Variants in MYOM1 observed in about 807,000 individuals in gnomAD.
MYOM1 encodes the protein myomesin-1.
A neutral mutation model predicts 205.3 loss-of-function variants in MYOM1; 164 were observed. The observed-to-expected ratio is 0.80, with a 90% CI of 0.70 to 0.91. The LOEUF (loss-of-function observed/expected upper bound fraction) is 0.91. Ranked by LOEUF, MYOM1 falls within the 40% of genes least tolerant of loss-of-function variation. The pLI is 0.00. For missense variants in MYOM1, 2,011 were observed against 2,127.3 expected (o/e 0.95, Z 1.08); for synonymous variants, 772 against 789.4 (o/e 0.98, Z 0.37).
chr18:3,148,045 C>T (rs2080155140), intron 13 of MYOM1, among the ~76,000 whole-genome samples: 1 of 152,132 alleles, frequency 6.6e-6, no homozygotes, highest in Admixed American at 6.5e-5. Context: ...CCACTATGAA[C>T]CCACTAGAAT....
chr18:3,141,218 C>T (rs188326682), intron 14 of MYOM1, among the ~76,000 whole-genome samples: 58 of 152,278 alleles, frequency 3.8e-4, no homozygotes, highest in African/African-American at 1.2e-3. Context: ...CTTGGCTCTT[C>T]TCCATTTGTT....
chr18:3,180,629 T>C (rs546749003), intron 5 of MYOM1, among the ~76,000 whole-genome samples: 5 of 152,336 alleles, frequency 3.3e-5, no homozygotes, highest in Non-Finnish European at 7.3e-5. Flanking sequence ...TGGGATTACA[T>C]ATCAAAAGCT....
chr18:3,226,766 A>G, the MYOM1 span, among the ~76,000 whole-genome samples: 3 of 152,190 alleles, frequency 2.0e-5, no homozygotes, highest in African/African-American at 7.2e-5. This position sits in a 1 kb window ranked among gnomAD's most constrained non-coding sequence, Gnocchi z 4.6. Context: ...CTCCTGACCC[A>G]CAACAGGCAT....
At chr18:3,105,546 A>C (rs1254639428) in intron 22 of MYOM1, among the ~76,000 whole-genome samples, 3 of 152,120 alleles carry the variant, frequency 2.0e-5, no homozygotes, top group Admixed American at 6.6e-5. Context: ...TCCCAAACCC[A>C]TGAAACTTGG....
At chr18:3,226,188 G>A in the MYOM1 span, among the ~76,000 whole-genome samples, 3 of 152,112 alleles carry the variant, frequency 2.0e-5, no homozygotes, top group Admixed American at 6.5e-5. The surrounding 1 kb of genome is among the most constrained non-coding windows in gnomAD (Gnocchi z 4.6). Context: ...CCATTCATTC[G>A]TCAGCATGAG....
chr18:3,233,038 A>T, the MYOM1 span, among the ~76,000 whole-genome samples: 2 of 152,242 alleles, frequency 1.3e-5, no homozygotes, highest in African/African-American at 4.8e-5. Context: ...ATATAATAGA[A>T]ATAATTACTG....
chr18:3,116,573 C>G, intron 20 of MYOM1, 58 bp from the exon 21 acceptor site: 3 of 1,423,632 alleles, frequency 2.1e-6, no homozygotes, highest in Non-Finnish European at 2.8e-6. Flanking sequence ...CGTCTCCACA[C>G]GTTTAGAACC....
At chr18:3,131,043 A>C (rs1001107843) in intron 17 of MYOM1, among the ~76,000 whole-genome samples, 4 of 152,250 alleles carry the variant, frequency 2.6e-5, no homozygotes, top group African/African-American at 4.8e-5. Flanking sequence ...TATGGGTGAT[A>C]TACCACTTCA....
chr18:3,204,824 T>A (rs983907751), intron 2 of MYOM1, among the ~76,000 whole-genome samples: 2 of 152,048 alleles, frequency 1.3e-5, no homozygotes, highest in African/African-American at 4.8e-5. Flanking sequence ...AAACTTTTTA[T>A]AAAGCAACAG....
chr18:3,194,853 G>A (rs1375366451), intron 2 of MYOM1, among the ~76,000 whole-genome samples: 1 of 151,706 alleles, frequency 6.6e-6, no homozygotes. Flanking sequence ...ATAGGGATCT[G>A]TATGGGAACC....
At chr18:3,118,239 A>G (rs543597756) in intron 20 of MYOM1, among the ~76,000 whole-genome samples, 106 of 152,374 alleles carry the variant, frequency 7.0e-4, no homozygotes, top group African/African-American at 2.4e-3. Flanking sequence ...CTACTCAGTA[A>G]GTCAAGGATG....
At chr18:3,140,347 C>T (rs554505504) in intron 14 of MYOM1, among the ~76,000 whole-genome samples, 39 of 151,178 alleles carry the variant, frequency 2.6e-4, no homozygotes, top group African/African-American at 8.5e-4. Flanking sequence ...GCGGAGGTTG[C>T]AGTGAGCTGA....
the MYOM1 span, among the ~76,000 whole-genome samples, chr18:3,241,869 T>A: frequency 6.6e-6 from 1 of 152,204 alleles, no homozygotes; most frequent in South Asian, 2.1e-4. Flanking sequence ...ATGTGAGACA[T>A]GGAGTCAAAG....
rs548995240 is a variant in MYOM1, at chr18:3,160,045, TCTC to T, written c.1501+4230_1501+4232del. On this transcript the variant is annotated intron_variant, in intron 10 of 37. Transcript: ENST00000356443. ...TTCTCCTTCTCCTCTTCCTCCTCCT[TCTC>T]CTCCTCCTCCTCCTTCTTCTTCTTC... 9.0e-3 allele frequency among the ~76,000 whole-genome samples: 1,335 copies of T among 148,030 alleles called. 10 individuals are homozygous for T. Among genetic ancestry groups the T allele is most frequent in the Middle Eastern group, 0.021 (6 of 288 alleles).
chr18:3,126,630 G>C, intron 19 of MYOM1, 71 bp downstream of exon 19: 3 of 1,397,330 alleles, frequency 2.1e-6, no homozygotes, highest in Non-Finnish European at 2.9e-6. Context: ...TGCTGGGTGT[G>C]TGCCTGCCTG....
chr18:3,139,000 C>A (rs931890164), intron 14 of MYOM1, among the ~76,000 whole-genome samples: 5 of 152,114 alleles, frequency 3.3e-5, no homozygotes, highest in African/African-American at 1.2e-4. Flanking sequence ...GCATGATCTG[C>A]CAGGCACAGT....
At chr18:3,067,607 A>T in intron 37 of MYOM1, 52 bp from the exon 38 acceptor site, 1 of 1,561,352 alleles carries the variant, frequency 6.4e-7, no homozygotes, top group Non-Finnish European at 8.7e-7. Flanking sequence ...TGTAATAGAC[A>T]CACTGTCAAC....
At chr18:3,244,395 G>C in the MYOM1 span, among the ~76,000 whole-genome samples, 23,788 of 152,100 alleles carry the variant, frequency 0.16, 2,106 homozygotes, top group East Asian at 0.34. Flanking sequence ...CTAACCCCCA[G>C]TGTGACTGTA....
intron 19 of MYOM1, among the ~76,000 whole-genome samples, chr18:3,124,693 C>CA (rs2079754001): frequency 6.6e-6 from 1 of 151,886 alleles, no homozygotes; most frequent in Non-Finnish European, 1.5e-5. Context: ...AATTTTGATG[C>CA]TTAACTCACA....
Sources: gnomAD v4.1 joint callset for allele counts (sites outside exome capture counted in the v4.1 genomes callset) on GRCh38, gnomAD v4.1.1 for gene constraint, Gnocchi (gnomAD v3.1) non-coding constraint, MANE v1.5 for transcripts, NCBI Gene and HGNC (gene_info 2026-07-23, HGNC 2026-07-21) for gene names.